The following SLC2A9 variants were observed in gnomAD, a reference collection of about 807,000 sequenced individuals.
The protein encoded by SLC2A9 is solute carrier family 2, facilitated glucose transporter member 9.
SLC2A9 carries 39 observed loss-of-function variants against 50.6 expected under a neutral mutation model. That is an observed-to-expected ratio of 0.77 (90% CI 0.60 to 1.01). The LOEUF (loss-of-function observed/expected upper bound fraction) is 1.01. SLC2A9 is among the 50% of genes least tolerant of loss of function. SLC2A9 has a pLI of 0.00. For synonymous variants in SLC2A9, 324 were observed against 276.9 expected, an observed-to-expected ratio of 1.17 and a Z score of -1.69; for missense variants, 686 against 677.6, an observed-to-expected ratio of 1.01 and a Z score of -0.14.
intron 10 of SLC2A9, among the ~76,000 whole-genome samples, chr4:9,870,159 C>T (rs993490552): frequency 2.6e-5 from 4 of 152,384 alleles, no homozygotes; most frequent in Middle Eastern, 3.4e-3. Context: ...TGCATCCCTA[C>T]TGAAGCCTCG....
chr4:10,033,980 T>C (rs1764017998), intron 1 of SLC2A9, among the ~76,000 whole-genome samples: 1 of 152,108 alleles, frequency 6.6e-6, no homozygotes, highest in Admixed American at 6.5e-5. Flanking sequence ...TCCTACTCTG[T>C]CCCCGGGGAT....
At chr4:9,975,039 G>A (rs1328946740) in intron 5 of SLC2A9, among the ~76,000 whole-genome samples, 1 of 152,142 alleles carries the variant, frequency 6.6e-6, no homozygotes, top group African/African-American at 2.4e-5. Flanking sequence ...TGCTGGGATA[G>A]TTGGTTTGCC....
intron 10 of SLC2A9, among the ~76,000 whole-genome samples, chr4:9,853,175 C>CAAAA (rs35342884): frequency 5.9e-4 from 47 of 79,466 alleles, no homozygotes; most frequent in African/African-American, 1.8e-3. Flanking sequence ...AACTCCCTCT[C>CAAAA]AAAAAAAAAA....
chr4:9,893,446 T>C (rs7698858), intron 8 of SLC2A9, among the ~76,000 whole-genome samples: 41,272 of 151,652 alleles, frequency 0.27, 5,942 homozygotes, highest in Admixed American at 0.33. Flanking sequence ...TGAGGGACAG[T>C]AACTTCACTT....
At chr4:9,777,770 T>A (rs1283921982), downstream of SLC2A9, among the ~76,000 whole-genome samples, 1 of 152,232 alleles carries the variant, frequency 6.6e-6, no homozygotes, top group Admixed American at 6.5e-5. Context: ...ATGTGAAAGA[T>A]GGTGTAGTCC....
At chr4:9,868,422 T>C (rs1732860319) in intron 10 of SLC2A9, among the ~76,000 whole-genome samples, 1 of 152,230 alleles carries the variant, frequency 6.6e-6, no homozygotes, top group African/African-American at 2.4e-5. Context: ...CCTGCCTGGC[T>C]GGAAAGCCCT....
chr4:9,985,852 G>A (rs1415775218), intron 3 of SLC2A9, 59 bp from the exon 4 acceptor site: 2 of 1,611,564 alleles, frequency 1.2e-6, no homozygotes, highest in Non-Finnish European at 1.7e-6. Context: ...TCACTGAACT[G>A]TCCATCCCAG....
intron 8 of SLC2A9, among the ~76,000 whole-genome samples, chr4:9,906,599 T>G (rs936849241): frequency 2.0e-5 from 3 of 152,334 alleles, no homozygotes; most frequent in Middle Eastern, 3.4e-3. Context: ...TTGCCAAACT[T>G]CCTTGGGTAG....
chr4:9,976,693 C>T (rs1056814564), intron 5 of SLC2A9, among the ~76,000 whole-genome samples: 2 of 152,222 alleles, frequency 1.3e-5, no homozygotes, highest in Non-Finnish European at 2.9e-5. Flanking sequence ...TTTTGGCTAG[C>T]TCAAAGCCAG....
chr4:9,944,201 G>C lies in SLC2A9; in HGVS notation c.682-2156C>G, dbSNP rs1748706670. On this transcript the variant is annotated intron_variant, in intron 5 of 11. Transcript: ENST00000264784. ...AGGTCAGGGGATGCCGGAGATGTGG[G>C]AGCTGAGGCTGGAGCCTTGAGCAGA... Among the ~76,000 whole-genome samples the C allele has an allele frequency of 2.0e-5, 3 of 152,228 alleles. No individual in the cohort carries two copies. In the South Asian group the frequency reaches 6.2e-4, roughly 31 times the overall value.
chr4:9,811,286 C>A (rs1184736455), intron 3 of SLC2A9, among the ~76,000 whole-genome samples: 2 of 152,232 alleles, frequency 1.3e-5, no homozygotes, highest in Non-Finnish European at 2.9e-5. Flanking sequence ...GGGGGCCTCT[C>A]ATCAGCAGCT....
chr4:9,839,075 A>C (rs766366388), intron 10 of SLC2A9, among the ~76,000 whole-genome samples: 4 of 152,222 alleles, frequency 2.6e-5, no homozygotes, highest in Non-Finnish European at 4.4e-5. Flanking sequence ...CAACCTATAG[A>C]ATGGGAGAAA....
chr4:9,779,909 G>A (rs1415372001), exon 4 of SLC2A9: 1 of 152,164 alleles, frequency 6.6e-6, no homozygotes, highest in Non-Finnish European at 1.5e-5. Context: ...ATCATGACTT[G>A]GTGTTCTCCA....
At chr4:9,803,377 C>A (rs1374350555) in intron 3 of SLC2A9, among the ~76,000 whole-genome samples, 1 of 152,182 alleles carries the variant, frequency 6.6e-6, no homozygotes, top group Admixed American at 6.5e-5. Flanking sequence ...ATTTATCTAC[C>A]AAGAACTGTG....
chr4:9,871,774 C>A (rs1329673435), intron 10 of SLC2A9, among the ~76,000 whole-genome samples: 5 of 152,248 alleles, frequency 3.3e-5, no homozygotes, highest in African/African-American at 1.2e-4. Flanking sequence ...AACCCACTGA[C>A]TTCAGGGGCA....
chr4:9,870,461 T>C (rs1733229934), intron 10 of SLC2A9, among the ~76,000 whole-genome samples: 1 of 152,186 alleles, frequency 6.6e-6, no homozygotes, highest in Admixed American at 6.5e-5. Context: ...GTTTTCTACA[T>C]TTCTGTTGAA....
chr4:10,023,850 G>A (rs1434702848), upstream of SLC2A9, among the ~76,000 whole-genome samples: 4 of 152,222 alleles, frequency 2.6e-5, no homozygotes, highest in South Asian at 2.1e-4. Flanking sequence ...CCTCCAAAGC[G>A]AGGGCTGGTT....
intron 2 of SLC2A9, among the ~76,000 whole-genome samples, chr4:9,997,882 T>C (rs1444057355): frequency 3.3e-5 from 5 of 152,084 alleles, no homozygotes; most frequent in African/African-American, 4.8e-5. Context: ...TGAGATAACA[T>C]ATTTGCAACA....
At chr4:10,004,448 G>T (rs573166467) in intron 2 of SLC2A9, among the ~76,000 whole-genome samples, 2 of 152,114 alleles carry the variant, frequency 1.3e-5, no homozygotes, top group Admixed American at 6.5e-5. Flanking sequence ...CCACCAAGAC[G>T]CTGAGAATGT....
Sources: gnomAD v4.1 joint callset for allele counts (sites outside exome capture counted in the v4.1 genomes callset) on GRCh38, gnomAD v4.1.1 for gene constraint, MANE v1.5 for transcripts, NCBI Gene and HGNC (gene_info 2026-07-23, HGNC 2026-07-21) for gene names.